The following FRMD3 variants were observed in gnomAD, a reference collection of about 807,000 sequenced individuals.
FRMD3 encodes FERM domain-containing protein 3.
Under a neutral mutation model 70.2 loss-of-function variants are expected in FRMD3, and 33 were observed. The observed-to-expected ratio is 0.47, with a 90% CI of 0.36 to 0.63. The LOEUF (loss-of-function observed/expected upper bound fraction) is 0.63, where lower values mean the gene tolerates loss of function less well. FRMD3 is among the 20% of genes least tolerant of loss of function. FRMD3 has a pLI of 0.00. For synonymous variants in FRMD3, 279 were observed against 255.9 expected (o/e 1.09, Z -0.86); for missense variants, 632 against 711.4 (o/e 0.89, Z 1.27).
intron 6 of FRMD3, among the ~76,000 whole-genome samples, chr9:83,324,273 T>A (rs1167213123): frequency 1.3e-5 from 2 of 152,184 alleles, no homozygotes; most frequent in African/African-American, 4.8e-5. Flanking sequence ...AATACATATG[T>A]ATAAAGTAAA....
intron 3 of FRMD3, among the ~76,000 whole-genome samples, chr9:83,362,175 TTCTCTC>T (rs67469418): frequency 0.15 from 21,647 of 146,364 alleles, 1,608 homozygotes; most frequent in East Asian, 0.28. Flanking sequence ...ATGCTGTTGG[TTCTCTC>T]TCTCTCTCTC....
intron 1 of FRMD3, among the ~76,000 whole-genome samples, chr9:83,501,710 GTA>G (rs1156999415): frequency 6.6e-6 from 1 of 152,146 alleles, no homozygotes; most frequent in Non-Finnish European, 1.5e-5. Context: ...AAGATGATTG[GTA>G]TGTAACAAGC....
At position 83,537,823 on chromosome 9, in the gene FRMD3, A is replaced by G. The variant is rs943868925; in HGVS notation, c.147+262T>C. Among the ~76,000 whole-genome samples, 7 of 149,912 alleles carry G rather than the reference A, an allele frequency of 4.7e-5. No homozygotes were observed. Among genetic ancestry groups the G allele is most frequent in the African/African-American group, 1.5e-4 (6 of 40,564 alleles). On this transcript the variant is annotated intron_variant, in intron 1 of 13. Transcript: ENST00000304195. This position sits in a 1 kb window ranked among gnomAD's most constrained non-coding sequence, Gnocchi z 4.1. Reference sequence around the variant, plus strand: ...TGCCCCGCGCCCCTAGCCCGGGCGCAGTGAGACGCGCGCGCAGGGTGCACG... The same window carrying G: ...TGCCCCGCGCCCCTAGCCCGGGCGCGGTGAGACGCGCGCGCAGGGTGCACG...
intron 1 of FRMD3, among the ~76,000 whole-genome samples, chr9:83,447,487 G>A (rs1361616197): frequency 6.6e-6 from 1 of 152,206 alleles, no homozygotes; most frequent in Non-Finnish European, 1.5e-5. Flanking sequence ...AGACCTTTCA[G>A]AGGAGCCAGG....
chr9:83,565,736 T>C, the FRMD3 span, among the ~76,000 whole-genome samples: 15 of 152,226 alleles, frequency 9.9e-5, no homozygotes, highest in Non-Finnish European at 1.6e-4. Flanking sequence ...TCCTTCCAAA[T>C]AAAAATAATA....
At chr9:83,572,021 C>A in the FRMD3 span, among the ~76,000 whole-genome samples, 1 of 152,178 alleles carries the variant, frequency 6.6e-6, no homozygotes, top group Non-Finnish European at 1.5e-5. Context: ...GTATTTCTTA[C>A]AAGCTCCCAG....
intron 1 of FRMD3, among the ~76,000 whole-genome samples, chr9:83,513,970 G>C (rs1036610735): frequency 1.3e-5 from 2 of 152,230 alleles, no homozygotes; most frequent in African/African-American, 4.8e-5. Flanking sequence ...ACAACCTGCA[G>C]ACCAGGAGAT....
intron 3 of FRMD3, among the ~76,000 whole-genome samples, chr9:83,361,333 T>C (rs1289619756): frequency 2.0e-5 from 3 of 152,218 alleles, no homozygotes; most frequent in Admixed American, 1.3e-4. Context: ...TGCATAACAT[T>C]TTATACAAAG....
chr9:83,437,829 GT>G (rs763893326), intron 1 of FRMD3, among the ~76,000 whole-genome samples: 7 of 152,206 alleles, frequency 4.6e-5, no homozygotes, highest in Non-Finnish European at 7.3e-5. Flanking sequence ...AGGACATAAA[GT>G]TTGTATGAGA....
intron 1 of FRMD3, among the ~76,000 whole-genome samples, chr9:83,422,691 G>A (rs1208106437): frequency 2.0e-5 from 3 of 152,180 alleles, no homozygotes. Context: ...ATATGAGAGT[G>A]ACTCCAGCCA....
intron 2 of FRMD3, among the ~76,000 whole-genome samples, chr9:83,382,091 C>T (rs78751654): frequency 0.013 from 2,017 of 151,366 alleles, 35 homozygotes; most frequent in African/African-American, 0.046. Flanking sequence ...TTTTAAAGTA[C>T]GCTAGTAACT....
chr9:83,467,733 C>T (rs1828167561), intron 1 of FRMD3: 12 of 1,522,852 alleles, frequency 7.9e-6, no homozygotes, highest in Non-Finnish European at 1.1e-5. Context: ...TCTCTGGGAG[C>T]TCTAGGGCTC....
chr9:83,412,984 ACT>A, intron 1 of FRMD3, among the ~76,000 whole-genome samples: 1 of 152,176 alleles, frequency 6.6e-6, no homozygotes, highest in South Asian at 2.1e-4. Flanking sequence ...ACAGAGTGAG[ACT>A]CTGTCAAAAA....
intron 6 of FRMD3, among the ~76,000 whole-genome samples, chr9:83,321,885 T>C (rs1835816157): frequency 6.6e-6 from 1 of 152,138 alleles, no homozygotes; most frequent in Admixed American, 6.5e-5. Context: ...TATCTAGAAT[T>C]GTTATATCCT....
At chr9:83,545,583 T>C in the FRMD3 span, among the ~76,000 whole-genome samples, 1 of 151,994 alleles carries the variant, frequency 6.6e-6, no homozygotes, top group Non-Finnish European at 1.5e-5. Context: ...GGTCTTGATC[T>C]CCTGACCTCG....
upstream of FRMD3, among the ~76,000 whole-genome samples, chr9:83,540,362 A>G (rs574746068): frequency 1.3e-5 from 2 of 152,304 alleles, no homozygotes; most frequent in South Asian, 4.1e-4. Context: ...AAAAATTGTT[A>G]CCCCAAATTC....
At chr9:83,298,307 G>A (rs1477448530) in intron 12 of FRMD3, among the ~76,000 whole-genome samples, 1 of 152,234 alleles carries the variant, frequency 6.6e-6, no homozygotes, top group Non-Finnish European at 1.5e-5. Flanking sequence ...AGCCAACAAT[G>A]ACTAAGTCCT....
At chr9:83,264,871 T>A in intron 13 of FRMD3, among the ~76,000 whole-genome samples, 1 of 148,650 alleles carries the variant, frequency 6.7e-6, no homozygotes, top group Non-Finnish European at 1.5e-5. Flanking sequence ...CCTAAGAAGA[T>A]AAAGGGTTAA....
chr9:83,260,599 A>G (rs938724155), intron 13 of FRMD3, among the ~76,000 whole-genome samples: 7 of 152,184 alleles, frequency 4.6e-5, no homozygotes, highest in African/African-American at 1.7e-4. Flanking sequence ...AAATTTTATG[A>G]TAACTTAATT....
Sources: gnomAD v4.1 joint callset for allele counts (sites outside exome capture counted in the v4.1 genomes callset) on GRCh38, gnomAD v4.1.1 for gene constraint, Gnocchi (gnomAD v3.1) non-coding constraint, MANE v1.5 for transcripts, NCBI Gene and HGNC (gene_info 2026-07-23, HGNC 2026-07-21) for gene names.